Variants in MTA3 observed in about 807,000 individuals in gnomAD.
The protein encoded by MTA3 is metastasis associated 1 family member 3, also known as metastasis-associated protein MTA3.
In MTA3, 34 loss-of-function variants were observed where a neutral mutation model predicts 83.5. The observed-to-expected ratio is 0.41, with a 90% CI of 0.31 to 0.54. The LOEUF is 0.54. MTA3 is among the 20% of genes least tolerant of loss of function. MTA3 has a pLI of 0.33. For missense variants in MTA3, 761 were observed against 726.4 expected (o/e 1.05, Z -0.55); for synonymous variants, 303 against 252.7 (o/e 1.20, Z -1.89).
intron 2 of MTA3, among the ~76,000 whole-genome samples, chr2:42,532,055 C>T (rs865774562): frequency 6.6e-6 from 1 of 152,224 alleles, no homozygotes; most frequent in South Asian, 2.1e-4. Flanking sequence ...CACGCCCGAC[C>T]AAAATCCAGC....
At chr2:42,509,467 G>A (rs1365930418) in intron 2 of MTA3, among the ~76,000 whole-genome samples, 1 of 152,128 alleles carries the variant, frequency 6.6e-6, no homozygotes, top group South Asian at 2.1e-4. Flanking sequence ...GCTCCTTGTA[G>A]AAGCTCAATA....
At chr2:42,592,089 C>T (rs1681074958) in intron 3 of MTA3, among the ~76,000 whole-genome samples, 1 of 152,022 alleles carries the variant, frequency 6.6e-6, no homozygotes, top group Non-Finnish European at 1.5e-5. Context: ...CATGGTGAAA[C>T]TCCGTTTCTA....
At chr2:42,649,007 T>TG in intron 6 of MTA3, among the ~76,000 whole-genome samples, 1 of 152,160 alleles carries the variant, frequency 6.6e-6, no homozygotes, top group East Asian at 1.9e-4. Flanking sequence ...ATTATATCGT[T>TG]GCGATGAGCA....
At chr2:42,671,085 T>G (rs1424918519) in intron 8 of MTA3, among the ~76,000 whole-genome samples, 1 of 152,132 alleles carries the variant, frequency 6.6e-6, no homozygotes, top group Non-Finnish European at 1.5e-5. Flanking sequence ...TCGTTAGTCT[T>G]TCTTTGTGTT....
At chr2:42,715,767 T>C (rs1666982738) in intron 14 of MTA3, among the ~76,000 whole-genome samples, 1 of 152,186 alleles carries the variant, frequency 6.6e-6, no homozygotes, top group Admixed American at 6.5e-5. Context: ...GCCATCAATG[T>C]CTATCAATTG....
intron 8 of MTA3, among the ~76,000 whole-genome samples, chr2:42,669,007 G>A (rs1010618122): frequency 2.0e-5 from 3 of 151,684 alleles, no homozygotes; most frequent in Admixed American, 6.6e-5. Context: ...CTGTTTGTTT[G>A]TGAGTCTTGT....
At chr2:42,708,345 AC>A (rs1349952575) in intron 13 of MTA3, among the ~76,000 whole-genome samples, 1 of 152,184 alleles carries the variant, frequency 6.6e-6, no homozygotes, top group Non-Finnish European at 1.5e-5. Flanking sequence ...ACAGTTCGTA[AC>A]CTTTACATTC....
intron 8 of MTA3, among the ~76,000 whole-genome samples, chr2:42,662,746 T>G (rs1689844147): frequency 6.6e-6 from 1 of 151,154 alleles, no homozygotes; most frequent in African/African-American, 2.4e-5. Context: ...TTTTTTTTTT[T>G]TTTGAGACAG....
chr2:42,625,746 CAAAAAAAAAAA>C (rs58956321), intron 4 of MTA3, among the ~76,000 whole-genome samples: 1 of 51,224 alleles, frequency 2.0e-5, no homozygotes, highest in Non-Finnish European at 4.1e-5. Flanking sequence ...GACTCCATCT[CAAAAAAAAAAA>C]AAAAAAAAAA....
intron 4 of MTA3, among the ~76,000 whole-genome samples, chr2:42,627,373 G>T (rs567819789): frequency 6.6e-6 from 1 of 152,136 alleles, no homozygotes; most frequent in Non-Finnish European, 1.5e-5. Context: ...TTTCTTAATT[G>T]TTTTTCTTGT....
At chr2:42,680,502 G>T (rs1467794632) in intron 8 of MTA3, among the ~76,000 whole-genome samples, 1 of 152,212 alleles carries the variant, frequency 6.6e-6, no homozygotes, top group East Asian at 1.9e-4. Context: ...AAGTTTATGT[G>T]TTAGAAAGTC....
At chr2:42,609,810 C>T (rs1390631364) in intron 4 of MTA3, among the ~76,000 whole-genome samples, 1 of 152,048 alleles carries the variant, frequency 6.6e-6, no homozygotes, top group Non-Finnish European at 1.5e-5. Context: ...TAATAACAGA[C>T]TTTCCTGGCC....
At chr2:42,745,741 G>T (rs1484932791) in intron 16 of MTA3, among the ~76,000 whole-genome samples, 1 of 149,276 alleles carries the variant, frequency 6.7e-6, no homozygotes, top group African/African-American at 2.5e-5. Context: ...CCTTTAGTTT[G>T]TCAACTTTGC....
chr2:42,604,554 C>G (rs1480039885), intron 3 of MTA3, among the ~76,000 whole-genome samples: 1 of 143,640 alleles, frequency 7.0e-6, no homozygotes, highest in Non-Finnish European at 1.5e-5. Flanking sequence ...CTTACTTGGT[C>G]TGCTCTGAAT....
At chr2:42,667,570 TTGTGTGTGTGTGTGTG>T (rs1553379043) in intron 8 of MTA3, among the ~76,000 whole-genome samples, 5 of 145,118 alleles carry the variant, frequency 3.4e-5, no homozygotes, top group East Asian at 2.1e-4. Flanking sequence ...CATTTAAAAA[TTGTGTGTGTGTGTGTG>T]TGTGTGTGTG....
chr2:42,608,739 C>T (rs564879295), intron 3 of MTA3, among the ~76,000 whole-genome samples: 6 of 152,110 alleles, frequency 3.9e-5, no homozygotes, highest in African/African-American at 1.4e-4. Flanking sequence ...ATAAAGTTAG[C>T]CAGGTGTGGT....
rs1007147866 is a variant in MTA3 at position 42,755,141 on chromosome 2, C to T, written c.*1742C>T. 8.1e-6 allele frequency: 8 copies of T among 985,344 alleles called. No individual in the cohort carries two copies. Among genetic ancestry groups the T allele is most frequent in the East Asian group, 1.1e-4 (1 of 8,828 alleles). The allele number at this position is 985,344 out of a possible 1,614,324, so 61.0% of individuals were successfully genotyped here. On this transcript the variant is annotated 3_prime_UTR_variant, in exon 17 of 17. Transcript: ENST00000405094. ...AGACCTGGGAGGAGGTGCCGCATCA[C>T]GTGGATGTTTCTTCCCTAAAGAAAA...
intron 16 of MTA3, among the ~76,000 whole-genome samples, chr2:42,735,069 C>G (rs546083079): frequency 1.3e-5 from 2 of 152,294 alleles, no homozygotes; most frequent in South Asian, 2.1e-4. Flanking sequence ...TTTGTACCTT[C>G]AGATCATTTC....
At chr2:42,706,037 A>C (rs1666050106) in intron 12 of MTA3, among the ~76,000 whole-genome samples, 1 of 152,228 alleles carries the variant, frequency 6.6e-6, no homozygotes, top group African/African-American at 2.4e-5. Context: ...TGTATGTTTT[A>C]AGTGAAATTT....
Sources: allele counts gnomAD v4.1 joint callset (sites outside exome capture counted in the v4.1 genomes callset), GRCh38; gene constraint gnomAD v4.1.1; transcripts MANE v1.5; gene names NCBI Gene and HGNC (gene_info 2026-07-23, HGNC 2026-07-21).